The following HPRT1 variants were observed in gnomAD, a reference collection of about 807,000 sequenced individuals.
The protein encoded by HPRT1 is hypoxanthine-guanine phosphoribosyltransferase.
A neutral mutation model predicts 19.0 loss-of-function variants in HPRT1; 4 were observed. The ratio of observed to expected loss-of-function variants is 0.21; its 90% CI spans 0.10 to 0.48. The LOEUF (loss-of-function observed/expected upper bound fraction) is 0.48. HPRT1 is among the 20% of genes least tolerant of loss of function. The pLI is 0.98. For missense variants in HPRT1, 65 were observed against 164.0 expected (o/e 0.40, Z 3.30); for synonymous variants, 53 against 54.9 (o/e 0.97, Z 0.15).
chrX:134,491,151 A>G (rs766315617), intron 5 of HPRT1, among the ~76,000 whole-genome samples: 2 of 108,215 alleles, frequency 1.8e-5, no homozygotes, highest in East Asian at 5.8e-4. Flanking sequence ...AAGAAACCCA[A>G]TCCCCTTAGC....
intron 3 of HPRT1, among the ~76,000 whole-genome samples, chrX:134,483,555 G>A (rs922484984): frequency 4.5e-5 from 5 of 111,203 alleles, no homozygotes; most frequent in African/African-American, 1.6e-4. Flanking sequence ...GAGATAGGAC[G>A]GTAGAGGAGA....
rs749375059 is a variant in HPRT1 at position 134,500,016 on chromosome X, A to AT, written c.610-5dup. ...ATACTTTTTAAATGTGAATTTCTGG[A>AT]TTTTTTTTTATAGCATGTTTGTGTC... is the stretch of plus-strand genomic sequence containing the variant. On this transcript the variant is annotated splice_polypyrimidine_tract_variant and intron_variant, in intron 8 of 8. Transcript: ENST00000298556. The AT allele has an allele frequency of 3.0e-4, 329 of 1,097,048 alleles. No individual in the cohort carries two copies. Among genetic ancestry groups the AT allele is most frequent in the Non-Finnish European group, 3.6e-4 (288 of 794,349 alleles). 90.4% of individuals were successfully genotyped at this position (1,097,048 alleles called of 1,213,427 possible).
intron 4 of HPRT1, 148 bp downstream of exon 4, chrX:134,486,678 T>A: frequency 2.1e-6 from 1 of 484,362 alleles, no homozygotes; most frequent in South Asian, 2.5e-5. Context: ...TTAATTATCG[T>A]TCCCTAGGTC....
In HPRT1 at chrX:134,460,325, G is replaced by A. The variant is rs1423491336; in HGVS notation, c.14G>A (p.Ser5Asn). 8.8e-7 allele frequency: 1 copy of A among 1,130,214 alleles called. No individual in the cohort carries two copies. Among genetic ancestry groups the A allele is most frequent in the Non-Finnish European group, 1.2e-6 (1 of 859,225 alleles). The allele number at this position is 1,130,214 out of a possible 1,213,427, so 93.1% of individuals were successfully genotyped here. A position where few individuals can be genotyped will look rare whatever the true frequency, so the allele number is the denominator to read the frequency against. ...GCCGGCTCCGTTATGGCGACCCGCAGCCCTGGCGTCGTGGTGAGCAGCTCG... is the reference window on the plus strand; with the variant it reads ...GCCGGCTCCGTTATGGCGACCCGCAACCCTGGCGTCGTGGTGAGCAGCTCG... MATR[S>N]PGVVISDDEP... Residue 5 changes from serine (S) to asparagine (N), a missense_variant, in exon 1 of 9, where the codon AGC becomes AAC. Coordinates refer to ENST00000298556, the MANE Select transcript of HPRT1 (RefSeq NM_000194.3).
chrX:134,495,197 G>GAAAAAAAAAAAA (rs56037049), intron 6 of HPRT1, among the ~76,000 whole-genome samples: 1 of 67,559 alleles, frequency 1.5e-5, no homozygotes. Context: ...CCCTGTCTCA[G>GAAAAAAAAAAAA]AAAAAAAAAA....
At chrX:134,487,863 A>G (rs964782713) in intron 4 of HPRT1, among the ~76,000 whole-genome samples, 4 of 111,377 alleles carry the variant, frequency 3.6e-5, no homozygotes, top group African/African-American at 1.3e-4. Context: ...AAGCTGTTGA[A>G]GCCATTACTT....
chrX:134,486,477 A>G lies in HPRT1; in HGVS notation c.331A>G (p.Thr111Ala), dbSNP rs1423909039. The G allele has an allele frequency of 8.7e-7, 1 of 1,147,616 alleles. No homozygotes were observed. The highest frequency in any genetic ancestry group is 1.2e-6 in the Non-Finnish European group (1 of 842,027). 94.6% of individuals were successfully genotyped at this position (1,147,616 alleles called of 1,213,427 possible). ...TTTTTTTAACTAGAATGACCAGTCA[A>G]CAGGGGACATAAAAGTAATTGGTGG... is the stretch of plus-strand genomic sequence containing the variant. The part of the protein sequence containing the change: ...RLKSYCNDQS[T>A]GDIKVIGGDD... The change falls in exon 4 of 9, where the codon ACA (threonine) becomes GCA (alanine). Residue 111 changes from threonine to alanine, a missense_variant. Thr to Ala is a moderately conservative substitution (Grantham distance 58). Around this residue, in one of 4 missense-constraint regions of HPRT1, gnomAD observed 16 missense variants for 16.0 expected, o/e 1.00. Transcript: ENST00000298556.
intron 6 of HPRT1, among the ~76,000 whole-genome samples, 166 bp from the exon 7 acceptor site, chrX:134,498,224 C>T (rs774594992): frequency 8.9e-6 from 1 of 111,932 alleles, no homozygotes; most frequent in Non-Finnish European, 1.9e-5. Context: ...CTAGTAATCC[C>T]CATAATTTAG....
In HPRT1 at chrX:134,495,643, C is replaced by T. The variant is rs184215800; in HGVS notation, c.485+2053C>T. On this transcript the variant is annotated intron_variant, in intron 6 of 8. Coordinates refer to ENST00000298556, the MANE Select transcript of HPRT1 (RefSeq NM_000194.3). ...TCCTTTTTTATGGAGATCTGAGTCA[C>T]GTACCATAAAATTCACTCTTTTAAA... 8.9e-4 allele frequency among the ~76,000 whole-genome samples: 99 copies of T among 111,434 alleles called. No homozygotes were observed. The East Asian group carries it at 0.012, about 14-fold the overall frequency.
At chrX:134,477,713 A>G (rs972283195) in intron 3 of HPRT1, among the ~76,000 whole-genome samples, 2 of 111,651 alleles carry the variant, frequency 1.8e-5, no homozygotes, top group African/African-American at 6.5e-5. Context: ...TCATTCTGTC[A>G]CCCAGGCTGG....
At chrX:134,475,062 C>A (rs754964687) in intron 2 of HPRT1, 119 bp from the exon 3 acceptor site, 1 of 497,816 alleles carries the variant, frequency 2.0e-6, no homozygotes, top group Non-Finnish European at 3.3e-6. Context: ...TTTTTTTTTG[C>A]AGGCATGGGG....
chrX:134,487,395 CT>C (rs201821236), intron 4 of HPRT1, among the ~76,000 whole-genome samples: 169 of 103,827 alleles, frequency 1.6e-3, no homozygotes, highest in Non-Finnish European at 2.5e-3. Flanking sequence ...AATGCTACTG[CT>C]TTTTTTTTTT....
intron 8 of HPRT1, among the ~76,000 whole-genome samples, chrX:134,498,967 C>T (rs1364003403): frequency 9.0e-6 from 1 of 111,674 alleles, no homozygotes; most frequent in Non-Finnish European, 1.9e-5. Context: ...AATAAATGAT[C>T]GAGTTTAGTC....
intron 1 of HPRT1, among the ~76,000 whole-genome samples, chrX:134,470,919 G>A (rs2077608851): frequency 9.3e-6 from 1 of 107,239 alleles, no homozygotes; most frequent in African/African-American, 3.4e-5. Context: ...AAAAAAGAGA[G>A]AGAAAAAAAT....
intron 1 of HPRT1, among the ~76,000 whole-genome samples, chrX:134,472,860 C>G (rs915750464): frequency 1.8e-5 from 2 of 111,367 alleles, no homozygotes; most frequent in Non-Finnish European, 3.8e-5. Flanking sequence ...CAGGCGTGAG[C>G]CACCGCGCCC....
At chrX:134,478,446 CT>C (rs2077631226) in intron 3 of HPRT1, among the ~76,000 whole-genome samples, 1 of 110,374 alleles carries the variant, frequency 9.1e-6, no homozygotes, top group Non-Finnish European at 1.9e-5. Flanking sequence ...ATGAGACCCC[CT>C]CTCTACACAA....
At chrX:134,473,103 T>C (rs900013649) in intron 1 of HPRT1, among the ~76,000 whole-genome samples, 1 of 110,557 alleles carries the variant, frequency 9.0e-6, no homozygotes, top group African/African-American at 3.3e-5. Flanking sequence ...TTGCCCAGGC[T>C]GGTCTCGAAC....
intron 6 of HPRT1, among the ~76,000 whole-genome samples, chrX:134,496,157 C>T (rs775530371): frequency 3.6e-5 from 4 of 111,370 alleles, no homozygotes; most frequent in Non-Finnish European, 7.5e-5. Flanking sequence ...AGGAATTGCC[C>T]GACTATTTAA....
chrX:134,483,292 A>T (rs1237569045), intron 3 of HPRT1, among the ~76,000 whole-genome samples: 2 of 111,278 alleles, frequency 1.8e-5, no homozygotes, highest in African/African-American at 3.3e-5. Flanking sequence ...CTCTTTTTCT[A>T]TACCATGCTG....
Sources: allele counts gnomAD v4.1 joint callset (sites outside exome capture counted in the v4.1 genomes callset), GRCh38; gene constraint gnomAD v4.1.1; regional missense constraint gnomAD v4.1.1; transcripts MANE v1.5; gene names NCBI Gene and HGNC (gene_info 2026-07-23, HGNC 2026-07-21).